GRIA4: variants seen among roughly 807,000 people sequenced by gnomAD.
GRIA4 encodes glutamate receptor 4.
Under a neutral mutation model 104.0 loss-of-function variants are expected in GRIA4, and 34 were observed. That is an observed-to-expected ratio of 0.33 (90% confidence interval 0.25 to 0.44). GRIA4 has a LOEUF of 0.44. Ranked by LOEUF, GRIA4 falls within the 20% of genes least tolerant of loss-of-function variation. GRIA4 has a pLI of 1.00. For synonymous variants in GRIA4, 386 were observed against 381.9 expected, an observed-to-expected ratio of 1.01 and a Z score of -0.13; for missense variants, 750 against 1,096.5, an observed-to-expected ratio of 0.68 and a Z score of 4.46.
intron 2 of GRIA4, 50 bp from the exon 3 acceptor site, chr11:105,612,226 A>T (rs2135240685): frequency 6.4e-7 from 1 of 1,573,786 alleles, no homozygotes; most frequent in Middle Eastern, 1.7e-4. Flanking sequence ...GGTGGGTATA[A>T]TGTTGACAAG....
intron 3 of GRIA4, among the ~76,000 whole-genome samples, chr11:105,736,259 T>C (rs10736646): frequency 0.99 from 150,951 of 152,220 alleles, 74,851 homozygotes; most frequent in East Asian, 1. Context: ...CCTGCTTCAT[T>C]CATTTACATT....
chr11:105,966,147 A>G (rs1858357809), intron 14 of GRIA4: 3 of 897,186 alleles, frequency 3.3e-6, no homozygotes, highest in African/African-American at 3.3e-5. Context: ...TGGACCTCCT[A>G]ATACCAGTCG....
intron 14 of GRIA4, among the ~76,000 whole-genome samples, chr11:105,934,675 T>C (rs925325868): frequency 6.6e-6 from 1 of 152,120 alleles, no homozygotes; most frequent in African/African-American, 2.4e-5. Flanking sequence ...AACCATTACA[T>C]GTGTGGATTA....
chr11:105,880,593 A>AT (rs545935002), intron 5 of GRIA4, among the ~76,000 whole-genome samples: 19 of 152,210 alleles, frequency 1.2e-4, no homozygotes, highest in East Asian at 5.8e-4. Flanking sequence ...ACTGAAGGTC[A>AT]TTTTTTTTAA....
At chr11:105,748,057 C>T (rs910567269) in intron 3 of GRIA4, among the ~76,000 whole-genome samples, 2 of 152,174 alleles carry the variant, frequency 1.3e-5, no homozygotes, top group African/African-American at 2.4e-5. Context: ...GCATAACAAA[C>T]CATCTCAAAC....
intron 14 of GRIA4, among the ~76,000 whole-genome samples, chr11:105,941,591 A>T (rs1565355901): frequency 2.0e-5 from 3 of 152,124 alleles, no homozygotes; most frequent in Non-Finnish European, 4.4e-5. Context: ...TCAATGAAGA[A>T]ATTGACCCAC....
chr11:105,943,006 GTCTGAGAT>G (rs1358507038), intron 14 of GRIA4, among the ~76,000 whole-genome samples: 1 of 152,102 alleles, frequency 6.6e-6, no homozygotes, highest in East Asian at 1.9e-4. Flanking sequence ...CACTTTGAGA[GTCTGAGAT>G]TCTGAGTCTT....
chr11:105,756,660 C>A (rs940780105), intron 4 of GRIA4, among the ~76,000 whole-genome samples: 2 of 151,448 alleles, frequency 1.3e-5, no homozygotes, highest in African/African-American at 4.8e-5. Context: ...CAACGCCCCC[C>A]ACCCAAAAAA....
At chr11:105,892,901 A>G (rs1373621433) in intron 6 of GRIA4, among the ~76,000 whole-genome samples, 2 of 152,196 alleles carry the variant, frequency 1.3e-5, no homozygotes, top group African/African-American at 4.8e-5. Flanking sequence ...TGAAATGCAA[A>G]ATACAGCAGA....
intron 13 of GRIA4, among the ~76,000 whole-genome samples, chr11:105,929,298 G>GC (rs1462476671): frequency 6.6e-6 from 1 of 152,036 alleles, no homozygotes; most frequent in Non-Finnish European, 1.5e-5. Context: ...CCACTAGGCT[G>GC]CCTCAGGCAA....
chr11:105,804,577 G>T (rs1056087663), intron 4 of GRIA4, among the ~76,000 whole-genome samples: 2 of 151,934 alleles, frequency 1.3e-5, no homozygotes, highest in Non-Finnish European at 2.9e-5. Context: ...GATAAAGACT[G>T]TTAAAGTTTC....
intron 14 of GRIA4, among the ~76,000 whole-genome samples, chr11:105,965,245 G>A (rs555602234): frequency 2.0e-5 from 3 of 151,000 alleles, no homozygotes; most frequent in African/African-American, 7.3e-5. Flanking sequence ...ACATCCTGGG[G>A]TTTAATTACT....
chr11:105,930,205 T>C (rs557117168), intron 13 of GRIA4, among the ~76,000 whole-genome samples: 1 of 152,054 alleles, frequency 6.6e-6, no homozygotes, highest in African/African-American at 2.4e-5. Flanking sequence ...AATCACTCTC[T>C]TGCAGTCACA....
Position 105,816,294 on chromosome 11 carries a change from C to T in GRIA4, c.488-45730C>T, listed in dbSNP as rs555720287. ...CAAATCTCATAGTGAAATGTAATTC[C>T]CACTGTTGGAGGTAGGGCCTAGTGG... On this transcript the variant is annotated intron_variant, in intron 4 of 16. Coordinates refer to ENST00000282499, the MANE Select transcript of GRIA4 (RefSeq NM_000829.4). Among the ~76,000 whole-genome samples, 62 of 152,148 alleles carry T rather than the reference C, an allele frequency of 4.1e-4. No homozygotes were observed. The South Asian group carries it at 6.2e-3, about 15-fold the overall frequency.
At position 105,933,792 on chromosome 11, in the gene GRIA4, G is replaced by A; in HGVS notation, c.2117G>A (p.Arg706Lys). Residue 706 changes from arginine to lysine, a missense_variant, in exon 14 of 17, where the codon AGG becomes AAG. By Grantham distance (26) the Arg-to-Lys change is conservative (BLOSUM62 2). Around this residue, in one of 3 missense-constraint regions of GRIA4, gnomAD observed 272 missense variants for 524.5 expected, o/e 0.52. Transcript: ENST00000282499. Reference sequence around the variant, plus strand: ...TCAGCAGAGCCATCAGTATTCACTAGGACTACAGCTGAGGGAGTAGCTCGT... The same window carrying A: ...TCAGCAGAGCCATCAGTATTCACTAAGACTACAGCTGAGGGAGTAGCTCGT... ...MRSAEPSVFT[R>K]TTAEGVARVR... 1.9e-6 allele frequency: 3 copies of A among 1,612,374 alleles called. No individual in the cohort carries two copies. The highest frequency in any genetic ancestry group is 2.5e-6 in the Non-Finnish European group (3 of 1,178,688).
chr11:105,807,681 A>G (rs1248306246), intron 4 of GRIA4, among the ~76,000 whole-genome samples: 1 of 151,714 alleles, frequency 6.6e-6, no homozygotes, highest in Non-Finnish European at 1.5e-5. Flanking sequence ...TACATATCCA[A>G]TTATTTTTTT....
chr11:105,704,728 T>C (rs1001446611), intron 3 of GRIA4, among the ~76,000 whole-genome samples: 8 of 152,032 alleles, frequency 5.3e-5, no homozygotes, highest in Non-Finnish European at 1.0e-4. Flanking sequence ...AAGATTTCTA[T>C]AAGAAAAATT....
chr11:105,753,109 G>C lies in GRIA4; in HGVS notation c.376G>C (p.Gly126Arg). 1.2e-6 allele frequency: 2 copies of C among 1,613,824 alleles called. No homozygotes were observed. Among genetic ancestry groups the C allele is most frequent in the Non-Finnish European group, 1.7e-6 (2 of 1,179,872 alleles). Reference sequence around the variant, plus strand: ...CATCACACCAAGTTTCCCTACTGAGGGGGAGAGCCAGTTTGTGCTGCAACT... The same window carrying C: ...CATCACACCAAGTTTCCCTACTGAGCGGGAGAGCCAGTTTGTGCTGCAACT... ...SLITPSFPTEGESQFVLQLRP... is the reference protein window; with the variant it reads ...SLITPSFPTERESQFVLQLRP... The change falls in exon 4 of 17, where the codon GGG (glycine) becomes CGG (arginine). Residue 126 changes from glycine (G) to arginine (R), a missense_variant. Gly to Arg is a moderately radical substitution (Grantham distance 125). Coordinates refer to ENST00000282499, the MANE Select transcript of GRIA4 (RefSeq NM_000829.4).
At chr11:105,692,728 T>G (rs1245357633) in intron 3 of GRIA4, among the ~76,000 whole-genome samples, 2 of 152,230 alleles carry the variant, frequency 1.3e-5, no homozygotes, top group Non-Finnish European at 2.9e-5. Flanking sequence ...TGAATCGCAA[T>G]CAGGCAAAAA....
Sources: allele counts gnomAD v4.1 joint callset (sites outside exome capture counted in the v4.1 genomes callset), GRCh38; gene constraint gnomAD v4.1.1; regional missense constraint gnomAD v4.1.1; transcripts MANE v1.5; gene names NCBI Gene and HGNC (gene_info 2026-07-23, HGNC 2026-07-21).